AHI1: variants seen among roughly 807,000 people sequenced by gnomAD.
The protein encoded by AHI1 is jouberin.
AHI1 carries 123 observed loss-of-function variants against 149.3 expected under a neutral mutation model. That is an observed-to-expected ratio of 0.82 (90% CI 0.71 to 0.96). AHI1 has a LOEUF of 0.96. AHI1 is among the 40% of genes least tolerant of loss of function. AHI1 has a pLI of 0.00. For synonymous variants in AHI1, 475 were observed against 459.8 expected (o/e 1.03, Z -0.42); for missense variants, 1,439 against 1,422.7 (o/e 1.01, Z -0.18).
intron 21 of AHI1, 111 bp from the exon 22 acceptor site, chr6:135,405,088 T>C: frequency 2.2e-6 from 2 of 889,772 alleles, no homozygotes; most frequent in East Asian, 2.7e-5. Flanking sequence ...CATTTGGAAG[T>C]TTCTTTATCC....
Position 135,359,858 on chromosome 6 carries a change from G to GC in AHI1, c.3110-1672dup, listed in dbSNP as rs145723496. ...AATAATAAAAACCAAAGCAAACCAG[G>GC]CAAAAATCTATATATACAGTTTATA... is the stretch of plus-strand genomic sequence containing the variant. On this transcript the variant is annotated intron_variant, in intron 23 of 28. Coordinates refer to ENST00000265602, the MANE Select transcript of AHI1 (RefSeq NM_001134831.2). 7.5e-3 allele frequency among the ~76,000 whole-genome samples: 1,136 copies of GC among 151,330 alleles called. 17 individuals are homozygous for GC. Among genetic ancestry groups the GC allele is most frequent in the African/African-American group, 0.026 (1,081 of 41,256 alleles).
intron 23 of AHI1, among the ~76,000 whole-genome samples, chr6:135,382,077 G>C (rs1022989546): frequency 1.3e-5 from 2 of 152,110 alleles, no homozygotes; most frequent in Admixed American, 6.6e-5. Flanking sequence ...AATTACAGTT[G>C]AATGTTTTCT....
intron 4 of AHI1, among the ~76,000 whole-genome samples, chr6:135,491,332 C>T (rs1269280919): frequency 6.6e-6 from 1 of 152,126 alleles, no homozygotes; most frequent in African/African-American, 2.4e-5. Context: ...GACAAATATC[C>T]CCTTAGATGC....
intron 25 of AHI1, among the ~76,000 whole-genome samples, chr6:135,322,157 G>A (rs922979263): frequency 2.0e-5 from 3 of 152,214 alleles, no homozygotes; most frequent in African/African-American, 7.2e-5. Flanking sequence ...CAGAAGAAAA[G>A]CTTACAGATA....
chr6:135,303,673 G>A (rs6931735), intron 26 of AHI1, among the ~76,000 whole-genome samples: 90,935 of 152,018 alleles, frequency 0.6, 27,363 homozygotes, highest in African/African-American at 0.65. Context: ...AGGTTATAGA[G>A]GTAGTCTGAA....
intron 27 of AHI1, among the ~76,000 whole-genome samples, chr6:135,295,016 T>G (rs184193804): frequency 6.6e-6 from 1 of 152,254 alleles, no homozygotes; most frequent in East Asian, 1.9e-4. Flanking sequence ...GGAAAAATAT[T>G]TGAAAATCAC....
chr6:135,365,053 C>T (rs1295759906), intron 23 of AHI1, among the ~76,000 whole-genome samples: 1 of 152,198 alleles, frequency 6.6e-6, no homozygotes, highest in African/African-American at 2.4e-5. Context: ...TGCCAATTAT[C>T]CCAGCACCAT....
chr6:135,471,978 G>A (rs1026148578), intron 5 of AHI1, among the ~76,000 whole-genome samples: 1 of 118,956 alleles, frequency 8.4e-6, no homozygotes, highest in South Asian at 2.9e-4. Context: ...CGCCACTGCA[G>A]TCCGCAGTCC....
intron 19 of AHI1, among the ~76,000 whole-genome samples, chr6:135,427,763 C>A (rs1386748525): frequency 6.6e-6 from 1 of 151,022 alleles, no homozygotes; most frequent in Non-Finnish European, 1.5e-5. Flanking sequence ...GTTTGAGGTA[C>A]CCATTTGCTT....
At chr6:135,391,578 G>T (rs957724048) in intron 23 of AHI1, among the ~76,000 whole-genome samples, 2 of 152,090 alleles carry the variant, frequency 1.3e-5, no homozygotes, top group African/African-American at 2.4e-5. Flanking sequence ...AATAAAATGT[G>T]AATTCCTCAG....
intron 16 of AHI1, among the ~76,000 whole-genome samples, chr6:135,432,305 T>C (rs193055528): frequency 1.8e-3 from 271 of 152,306 alleles, no homozygotes; most frequent in Non-Finnish European, 3.1e-3. Flanking sequence ...AATTTCTTCA[T>C]TCTTTCAGAT....
intron 23 of AHI1, among the ~76,000 whole-genome samples, chr6:135,382,911 AAAAAAAAAAAAAAAAATATATATAT>A (rs1270996948): frequency 9.8e-6 from 1 of 102,356 alleles, no homozygotes; most frequent in African/African-American, 3.7e-5. Flanking sequence ...AAAAAAAAAA[AAAAAAAAAAAAAAAAATATATATAT>A]ATATATATAT....
At chr6:135,380,744 C>CCCCCCCA (rs1562623965) in intron 23 of AHI1, among the ~76,000 whole-genome samples, 1 of 100,462 alleles carries the variant, frequency 1.0e-5, no homozygotes, top group Non-Finnish European at 1.9e-5. Context: ...CCCCCCCCCC[C>CCCCCCCA]AAAAAAAAAG....
intron 8 of AHI1, among the ~76,000 whole-genome samples, chr6:135,458,215 T>A (rs1789284361): frequency 6.6e-6 from 1 of 152,122 alleles, no homozygotes. Flanking sequence ...CAGTCAGAGG[T>A]CAGCTGATGG....
At chr6:135,363,717 GGGCAGA>G (rs980311085) in intron 23 of AHI1, among the ~76,000 whole-genome samples, 9 of 146,952 alleles carry the variant, frequency 6.1e-5, no homozygotes, top group Non-Finnish European at 1.4e-4. Flanking sequence ...GCGGCTGGCC[GGGCAGA>G]GGCGCCCCTC....
chr6:135,463,611 T>C (rs1401420563), intron 7 of AHI1, among the ~76,000 whole-genome samples: 3 of 152,188 alleles, frequency 2.0e-5, no homozygotes, highest in African/African-American at 7.2e-5. Flanking sequence ...ACATAGGACT[T>C]ATCAAAGCAT....
intron 26 of AHI1, among the ~76,000 whole-genome samples, chr6:135,311,841 T>A (rs1785250652): frequency 6.6e-6 from 1 of 152,222 alleles, no homozygotes; most frequent in Admixed American, 6.5e-5. Context: ...ATTTTCCTGC[T>A]CCCACTCCCC....
At chr6:135,390,589 G>A (rs931660910) in intron 23 of AHI1, among the ~76,000 whole-genome samples, 2 of 152,086 alleles carry the variant, frequency 1.3e-5, no homozygotes, top group South Asian at 2.1e-4. Flanking sequence ...AACATGTACC[G>A]TCGTCTAGGA....
intron 11 of AHI1, among the ~76,000 whole-genome samples, chr6:135,450,387 T>C (rs1323348321): frequency 3.3e-5 from 5 of 152,204 alleles, no homozygotes; most frequent in South Asian, 2.1e-4. Flanking sequence ...TAAGGAATGA[T>C]GCATCAACAA....
Sources: allele counts gnomAD v4.1 joint callset (sites outside exome capture counted in the v4.1 genomes callset), GRCh38; gene constraint gnomAD v4.1.1; transcripts MANE v1.5; gene names NCBI Gene and HGNC (gene_info 2026-07-23, HGNC 2026-07-21).